TMEM135: variants seen among roughly 807,000 people sequenced by gnomAD.
TMEM135 encodes the protein transmembrane protein 135, also known as peroxisomal membrane protein 52.
Under a neutral mutation model 60.3 loss-of-function variants are expected in TMEM135, and 30 were observed. The observed-to-expected ratio is 0.50, with a 90% CI of 0.37 to 0.68. The LOEUF (loss-of-function observed/expected upper bound fraction) is 0.68. TMEM135 is among the 30% of genes least tolerant of loss of function. TMEM135 has a pLI of 0.00. For synonymous variants in TMEM135, 190 were observed against 186.7 expected (o/e 1.02, Z -0.14); for missense variants, 468 against 548.8 (o/e 0.85, Z 1.47).
intron 5 of TMEM135, among the ~76,000 whole-genome samples, chr11:87,212,824 GAAAAAAA>G (rs60084755): frequency 9.5e-6 from 1 of 105,544 alleles, no homozygotes; most frequent in Non-Finnish European, 2.0e-5. Flanking sequence ...CCTGATTTTG[GAAAAAAA>G]AAAAAAAAAA....
At chr11:87,229,664 A>G (rs1021096558) in intron 5 of TMEM135, among the ~76,000 whole-genome samples, 2 of 152,176 alleles carry the variant, frequency 1.3e-5, no homozygotes, top group Admixed American at 6.5e-5. Context: ...TGTTTATTGC[A>G]TCCACTCTGA....
chr11:87,149,394 T>A (rs1938495421), intron 4 of TMEM135, among the ~76,000 whole-genome samples: 3 of 152,138 alleles, frequency 2.0e-5, no homozygotes, highest in Non-Finnish European at 4.4e-5. Flanking sequence ...GGTTTATTCT[T>A]CTAATTCAGA....
chr11:87,115,617 C>T (rs1260752099), intron 4 of TMEM135, among the ~76,000 whole-genome samples: 2 of 152,018 alleles, frequency 1.3e-5, no homozygotes, highest in Non-Finnish European at 2.9e-5. Context: ...GTTTTTACAT[C>T]TAGTTGATTT....
In TMEM135 at chr11:87,321,261, T is replaced by C. The variant is rs762956739; in HGVS notation, c.1305T>C (p.Phe435=). ...DVFGTGASKH[F]QDFIPRLDPR... ...TTGGTACTGGTGCATCTAAACACTT[T>C]CAGGATTTCATCCCCAGGTTGGATC... Residue 435 remains phenylalanine (F), a synonymous_variant, in exon 15 of 15, where the codon TTT becomes TTC. Transcript: ENST00000305494. 2 of 1,613,750 alleles carry C rather than the reference T, an allele frequency of 1.2e-6. No homozygotes were observed. Among genetic ancestry groups the C allele is most frequent in the South Asian group, 1.1e-5 (1 of 91,076 alleles).
intron 5 of TMEM135, among the ~76,000 whole-genome samples, chr11:87,177,434 G>T (rs1309719684): frequency 6.6e-6 from 1 of 151,978 alleles, no homozygotes; most frequent in African/African-American, 2.4e-5. Context: ...TTATAACTTT[G>T]AATGCCTTCT....
At chr11:87,222,889 T>C (rs1347490197) in intron 5 of TMEM135, among the ~76,000 whole-genome samples, 6 of 152,202 alleles carry the variant, frequency 3.9e-5, no homozygotes, top group African/African-American at 1.2e-4. Context: ...TAAAATACTT[T>C]TGTAAGTATT....
chr11:87,243,073 C>T (rs1230921517), intron 6 of TMEM135, among the ~76,000 whole-genome samples: 25 of 123,408 alleles, frequency 2.0e-4, no homozygotes, highest in Non-Finnish European at 3.6e-4. Flanking sequence ...CTACATATGG[C>T]TAGCCAGTTT....
intron 5 of TMEM135, among the ~76,000 whole-genome samples, chr11:87,194,479 T>G (rs913418502): frequency 6.6e-6 from 1 of 152,216 alleles, no homozygotes; most frequent in Non-Finnish European, 1.5e-5. Flanking sequence ...TTGTACAGTA[T>G]AGTTTATTCT....
At chr11:87,210,086 A>C (rs1433161815) in intron 5 of TMEM135, among the ~76,000 whole-genome samples, 1 of 152,176 alleles carries the variant, frequency 6.6e-6, no homozygotes, top group Admixed American at 6.5e-5. Context: ...GATCTCTAAC[A>C]ACATAATGTT....
At chr11:87,166,503 A>G (rs1394386892) in intron 5 of TMEM135, among the ~76,000 whole-genome samples, 2 of 151,794 alleles carry the variant, frequency 1.3e-5, no homozygotes, top group East Asian at 3.9e-4. Context: ...GAAGGGGTCC[A>G]GTTTCAGTTT....
intron 6 of TMEM135, among the ~76,000 whole-genome samples, chr11:87,247,586 C>T (rs1591136539): frequency 6.6e-6 from 1 of 152,222 alleles, no homozygotes; most frequent in Non-Finnish European, 1.5e-5. Flanking sequence ...AGCCTCGCTG[C>T]CACCTTGCAG....
intron 5 of TMEM135, among the ~76,000 whole-genome samples, chr11:87,227,662 T>TA (rs1362009359): frequency 4.6e-5 from 7 of 152,136 alleles, no homozygotes; most frequent in Non-Finnish European, 8.8e-5. Context: ...TAGTGTTGCT[T>TA]AAAATTACAT....
intron 5 of TMEM135, among the ~76,000 whole-genome samples, chr11:87,203,157 C>T (rs1258150010): frequency 3.3e-5 from 5 of 151,974 alleles, no homozygotes; most frequent in South Asian, 2.1e-4. Flanking sequence ...ATTAACATCC[C>T]GCACCAGACT....
rs1037197180 is a variant in TMEM135 at position 87,222,809 on chromosome 11, A to AG, written c.463-13829_463-13828insG. Among the ~76,000 whole-genome samples the AG allele has an allele frequency of 2.0e-4, 30 of 150,524 alleles. No homozygotes were observed. In the South Asian group the frequency reaches 2.7e-3, roughly 14 times the overall value. ...AATAAGAGCGAAACTGTCTCAAAAA[A>AG]AAAGAAAGAAAGAAAGAAAAAAAAA... On this transcript the variant is annotated intron_variant, in intron 5 of 14. Transcript: ENST00000305494.
intron 1 of TMEM135, among the ~76,000 whole-genome samples, chr11:87,055,205 A>T (rs758898226): frequency 6.6e-6 from 1 of 152,210 alleles, no homozygotes; most frequent in Non-Finnish European, 1.5e-5. Context: ...TATATATGAA[A>T]TGCACATATA....
intron 4 of TMEM135, among the ~76,000 whole-genome samples, chr11:87,139,900 A>AT (rs1331111994): frequency 4.6e-5 from 7 of 152,048 alleles, no homozygotes; most frequent in Non-Finnish European, 8.8e-5. Flanking sequence ...ATATATGTAG[A>AT]TTTTTTTGTT....
intron 5 of TMEM135, among the ~76,000 whole-genome samples, chr11:87,212,666 A>G (rs1281591805): frequency 6.6e-6 from 1 of 152,012 alleles, no homozygotes; most frequent in Non-Finnish European, 1.5e-5. Flanking sequence ...CACCAAAAAT[A>G]CAAAAAATTA....
intron 4 of TMEM135, among the ~76,000 whole-genome samples, chr11:87,139,600 T>C (rs2135243311): frequency 6.6e-6 from 1 of 152,300 alleles, no homozygotes; most frequent in Non-Finnish European, 1.5e-5. Flanking sequence ...GGTAAGTATA[T>C]GTTTAAATTT....
At chr11:87,273,991 ATGAAACT>A (rs1591159871) in intron 6 of TMEM135, among the ~76,000 whole-genome samples, 1 of 131,720 alleles carries the variant, frequency 7.6e-6, no homozygotes, top group South Asian at 2.3e-4. Context: ...GCAAAAATAA[ATGAAACT>A]TGAGTGTTTT....
Sources: allele counts gnomAD v4.1 joint callset (sites outside exome capture counted in the v4.1 genomes callset), GRCh38; gene constraint gnomAD v4.1.1; transcripts MANE v1.5; gene names NCBI Gene and HGNC (gene_info 2026-07-23, HGNC 2026-07-21).